The following SLC8A1 variants were observed in gnomAD, a reference collection of about 807,000 sequenced individuals.
SLC8A1 encodes sodium/calcium exchanger 1.
In SLC8A1, 18 loss-of-function variants were observed where a neutral mutation model predicts 68.3. The observed-to-expected ratio is 0.26, with a 90% CI of 0.18 to 0.39. SLC8A1 has a LOEUF of 0.39. Among genes scored for constraint, SLC8A1 ranks in the 10% least tolerant of loss-of-function variants. SLC8A1 has a pLI of 1.00. For missense variants in SLC8A1, 985 were observed against 1,156.7 expected (o/e 0.85, Z 2.15); for synonymous variants, 475 against 415.5 (o/e 1.14, Z -1.74).
intron 2 of SLC8A1, among the ~76,000 whole-genome samples, chr2:40,413,294 C>T (rs894008676): frequency 7.2e-5 from 11 of 152,136 alleles, no homozygotes; most frequent in African/African-American, 2.7e-4. Flanking sequence ...TATAAAGACA[C>T]ATGCACACAT....
At chr2:40,488,425 T>C (rs1204526051) in intron 1 of SLC8A1, among the ~76,000 whole-genome samples, 2 of 151,180 alleles carry the variant, frequency 1.3e-5, no homozygotes, top group African/African-American at 4.9e-5. Context: ...TCTTGAAACA[T>C]GATTCCCAAG....
intron 2 of SLC8A1, among the ~76,000 whole-genome samples, chr2:40,417,983 A>T (rs1413441323): frequency 6.6e-6 from 1 of 152,154 alleles, no homozygotes; most frequent in East Asian, 1.9e-4. Context: ...CAAGTGCTTC[A>T]TATATAAGAA....
chr2:40,150,091 C>T (rs2043149065), intron 6 of SLC8A1, among the ~76,000 whole-genome samples: 1 of 143,936 alleles, frequency 6.9e-6, no homozygotes, highest in African/African-American at 2.6e-5. Flanking sequence ...AGGTTAGAAT[C>T]ACTGCTCCTT....
At chr2:40,252,642 A>AAGAT (rs1434484279) in intron 2 of SLC8A1, among the ~76,000 whole-genome samples, 4 of 152,022 alleles carry the variant, frequency 2.6e-5, no homozygotes, top group Non-Finnish European at 4.4e-5. Context: ...ACGCCCGGCC[A>AAGAT]AGATAGTGCA....
chr2:40,367,512 T>C (rs1368750773), intron 2 of SLC8A1, among the ~76,000 whole-genome samples: 3 of 151,994 alleles, frequency 2.0e-5, no homozygotes, highest in Non-Finnish European at 4.4e-5. Flanking sequence ...TTTCTTCCAA[T>C]AGAAACACAA....
chr2:40,410,715 A>G (rs975559347), intron 2 of SLC8A1, among the ~76,000 whole-genome samples: 1 of 152,112 alleles, frequency 6.6e-6, no homozygotes, highest in Non-Finnish European at 1.5e-5. Flanking sequence ...CTATTTAAAC[A>G]TATCTTCCCA....
At chr2:40,417,103 TCTC>T (rs1694105210) in intron 2 of SLC8A1, among the ~76,000 whole-genome samples, 1 of 152,166 alleles carries the variant, frequency 6.6e-6, no homozygotes, top group Non-Finnish European at 1.5e-5. Context: ...TATGCAGAGT[TCTC>T]CTATCTCTCA....
chr2:40,510,459 G>A (rs903632944), intron 1 of SLC8A1, among the ~76,000 whole-genome samples: 12 of 152,186 alleles, frequency 7.9e-5, no homozygotes, highest in Non-Finnish European at 1.5e-4. Flanking sequence ...GAAGATAGTA[G>A]CTGATATCAT....
chr2:40,278,346 G>C (rs1389098094), intron 2 of SLC8A1, among the ~76,000 whole-genome samples: 1 of 152,024 alleles, frequency 6.6e-6, no homozygotes, highest in African/African-American at 2.4e-5. Flanking sequence ...GTGCGCACCT[G>C]TAATCCCAGC....
chr2:40,511,633 C>T (rs371105752), intron 1 of SLC8A1, among the ~76,000 whole-genome samples: 1 of 151,884 alleles, frequency 6.6e-6, no homozygotes, highest in East Asian at 1.9e-4. Context: ...GATGACAAAA[C>T]GATAATAATC....
intron 2 of SLC8A1, among the ~76,000 whole-genome samples, chr2:40,426,259 T>A (rs1010800233): frequency 2.0e-5 from 3 of 152,040 alleles, no homozygotes; most frequent in African/African-American, 7.2e-5. Context: ...ATAGTAACAA[T>A]TTTATAGAGC....
intron 1 of SLC8A1, among the ~76,000 whole-genome samples, chr2:40,449,393 T>A (rs749935610): frequency 2.5e-4 from 38 of 152,194 alleles, no homozygotes; most frequent in Non-Finnish European, 3.7e-4. Context: ...TAAAAGTCTA[T>A]ATTTGCCTGG....
intron 7 of SLC8A1, among the ~76,000 whole-genome samples, chr2:40,128,928 GA>G (rs1314290341): frequency 6.6e-6 from 1 of 152,162 alleles, no homozygotes; most frequent in African/African-American, 2.4e-5. Flanking sequence ...GAAAAATAGA[GA>G]AAAGTCAAAC....
chr2:40,223,678 C>G (rs1249082029), intron 2 of SLC8A1: 1 of 152,014 alleles, frequency 6.6e-6, no homozygotes, highest in African/African-American at 2.4e-5. Context: ...CAACTAGGCT[C>G]TCATGCTCTG....
At chr2:40,172,616 G>T (rs1023092313) in intron 4 of SLC8A1, among the ~76,000 whole-genome samples, 1 of 152,060 alleles carries the variant, frequency 6.6e-6, no homozygotes, top group Non-Finnish European at 1.5e-5. Context: ...TAAAAGGGAG[G>T]ACAGTTCAAA....
rs139695930 is a variant in SLC8A1 at position 40,447,588 on chromosome 2, TAAAAAAA to T, written c.-25+4309_-25+4315del. Reference sequence around the variant, plus strand: ...GTTGACCTGATAAACCAATCCAAGTTAAAAAAAAAAAAAAAAAAAAGAAAGAACATAT... The same window carrying T: ...GTTGACCTGATAAACCAATCCAAGTTAAAAAAAAAAAAAGAAAGAACATAT... On this transcript the variant is annotated intron_variant, in intron 1 of 7. Transcript: ENST00000406785. Among the ~76,000 whole-genome samples the T allele has an allele frequency of 6.9e-4, 96 of 139,296 alleles. No homozygotes were observed. The East Asian group carries it at 0.018, about 27-fold the overall frequency. The allele number at this position is 139,296 out of a possible 152,430, so 91.4% of individuals were successfully genotyped here.
At chr2:40,117,313 G>A (rs2035661628) in intron 7 of SLC8A1, among the ~76,000 whole-genome samples, 1 of 148,686 alleles carries the variant, frequency 6.7e-6, no homozygotes, top group African/African-American at 2.5e-5. Context: ...GGGAGGCCGA[G>A]ATGGGCGGAT....
chr2:40,442,102 T>C (rs1226935832), intron 1 of SLC8A1, among the ~76,000 whole-genome samples: 1 of 147,790 alleles, frequency 6.8e-6, no homozygotes, highest in Non-Finnish European at 1.5e-5. Flanking sequence ...TAATGCTAAA[T>C]GACGAGTTAA....
intron 2 of SLC8A1, among the ~76,000 whole-genome samples, chr2:40,392,726 A>G (rs1685705104): frequency 6.6e-6 from 1 of 152,102 alleles, no homozygotes; most frequent in African/African-American, 2.4e-5. Context: ...TGAAATGCCA[A>G]TGATCACAGT....
Sources: gnomAD v4.1 joint callset for allele counts (sites outside exome capture counted in the v4.1 genomes callset) on GRCh38, gnomAD v4.1.1 for gene constraint, MANE v1.5 for transcripts, NCBI Gene and HGNC (gene_info 2026-07-23, HGNC 2026-07-21) for gene names.